Variants in PALB2 observed in about 807,000 individuals in gnomAD.
PALB2 encodes the protein mutant partner and localizer of BRCA2.
PALB2 carries 82 observed loss-of-function variants against 107.4 expected under a neutral mutation model. That is an observed-to-expected ratio of 0.76 (90% CI 0.64 to 0.92). The LOEUF is 0.92. Among genes scored for constraint, PALB2 ranks in the 40% least tolerant of loss-of-function variants. The probability of loss-of-function intolerance (pLI) is 0.00; values close to 1 mark genes in which losing one functional copy is unlikely to be tolerated. For missense variants in PALB2, 1,374 were observed against 1,379.9 expected (o/e 1.00, Z 0.07); for synonymous variants, 489 against 496.8 (o/e 0.98, Z 0.21).
rs371875379 is a variant in PALB2 at position 23,637,948 on chromosome 16, G to C, written c.113C>G (p.Ala38Gly). Residue 38 changes from alanine to glycine, a missense_variant, in exon 3 of 13, where the codon GCC becomes GGC. Coordinates refer to ENST00000261584, the MANE Select transcript of PALB2 (RefSeq NM_024675.4). ...YSKTLARLQR[A>G]QRAEKIKHSI... ...ATGCTTAATCTTTTCAGCTCTTTGGGCACGCTAGAGGAGACAAAAACAGCC... is the reference window on the plus strand; with the variant it reads ...ATGCTTAATCTTTTCAGCTCTTTGGCCACGCTAGAGGAGACAAAAACAGCC... 5.0e-6 allele frequency: 8 copies of C among 1,613,236 alleles called. No individual in the cohort carries two copies. In the East Asian group the frequency reaches 1.8e-4, roughly 36 times the overall value.
At chr16:23,625,238 CAGG>C (rs1249303158) in intron 7 of PALB2, among the ~76,000 whole-genome samples, 1 of 152,068 alleles carries the variant, frequency 6.6e-6, no homozygotes, top group Non-Finnish European at 1.5e-5. Flanking sequence ...GAGGCTGAGG[CAGG>C]AGAATTGCTT....
intron 10 of PALB2, among the ~76,000 whole-genome samples, chr16:23,618,958 G>A (rs1043059313): frequency 2.0e-5 from 3 of 152,262 alleles, no homozygotes; most frequent in Admixed American, 2.0e-4. Context: ...AATTTCAGAG[G>A]CTTTCTGGTG....
At chr16:23,605,169 T>G (rs1597063855) in intron 12 of PALB2, among the ~76,000 whole-genome samples, 1 of 152,204 alleles carries the variant, frequency 6.6e-6, no homozygotes, top group Non-Finnish European at 1.5e-5. Context: ...ATGAACTGCA[T>G]GATACTTTTT....
intron 4 of PALB2, among the ~76,000 whole-genome samples, chr16:23,631,913 C>T (rs1242411243): frequency 6.6e-6 from 1 of 152,158 alleles, no homozygotes; most frequent in Non-Finnish European, 1.5e-5. Context: ...GTGGCGAGAT[C>T]TTGGCTCACT....
rs976340416 is a variant in PALB2 at position 23,635,367 on chromosome 16, T to C, written c.1179A>G (p.Lys393=). 6 of 1,613,840 alleles carry C rather than the reference T, an allele frequency of 3.7e-6. No homozygotes were observed. The highest frequency in any genetic ancestry group is 5.1e-6 in the Non-Finnish European group (6 of 1,180,026). ...LEATSPLSAE[K]HSCTVPEGLL... is the part of the protein sequence containing the mutation. Reference sequence around the variant, plus strand: ...GGCCTTCAGGCACTGTGCAAGAATGTTTTTCTGCAGAAAGAGGAGAGGTTG... The same window carrying C: ...GGCCTTCAGGCACTGTGCAAGAATGCTTTTCTGCAGAAAGAGGAGAGGTTG... The change falls in exon 4 of 13, where the codon AAA becomes AAG. Residue 393 remains lysine (K), a synonymous_variant. Transcript: ENST00000261584.
At position 23,638,574 on chromosome 16, in the gene PALB2, G is replaced by A. The variant is rs138223673; in HGVS notation, c.49-445C>T. The A allele has an allele frequency of 1.6e-4, 71 of 456,610 alleles. No homozygotes were observed. The Middle Eastern group carries it at 3.6e-3, about 23-fold the overall frequency. The allele number at this position is 456,610 out of a possible 1,614,324, so 28.3% of individuals were successfully genotyped here. ...TGAATCTTCTATTTATCCGTTAATG[G>A]TCCAGGTATCTCTAGTACCTGGAAT... On this transcript the variant is annotated intron_variant, in intron 1 of 12. Transcript: ENST00000261584.
intron 10 of PALB2, among the ~76,000 whole-genome samples, chr16:23,620,794 C>T (rs1233639271): frequency 3.9e-5 from 6 of 152,166 alleles, no homozygotes; most frequent in Non-Finnish European, 7.3e-5. Context: ...ACAATCAGGC[C>T]GGGCGCAGTG....
chr16:23,613,371 CTG>C (rs953505572), intron 11 of PALB2, among the ~76,000 whole-genome samples: 1 of 152,138 alleles, frequency 6.6e-6, no homozygotes, highest in Admixed American at 6.6e-5. Context: ...TAGCTGGGCA[CTG>C]TGGCTCACAT....
intron 3 of PALB2, 25 bp downstream of exon 3, chr16:23,637,825 G>A (rs1967097575): frequency 2.0e-6 from 3 of 1,536,476 alleles, no homozygotes; most frequent in African/African-American, 1.4e-5. Flanking sequence ...AATAAAGCAG[G>A]CATAAGTGAA....
intron 1 of PALB2, among the ~76,000 whole-genome samples, chr16:23,639,517 GAAAA>G (rs1186283940): frequency 9.1e-5 from 4 of 43,756 alleles, no homozygotes; most frequent in African/African-American, 1.8e-4. Flanking sequence ...GACTCTGCTT[GAAAA>G]AAAAAAAAAA....
chr16:23,639,546 G>A (rs1022578918), intron 1 of PALB2, among the ~76,000 whole-genome samples: 7 of 147,280 alleles, frequency 4.8e-5, no homozygotes, highest in African/African-American at 1.8e-4. Context: ...AAGGCCGGGT[G>A]CAGTGGCTCA....
intron 10 of PALB2, among the ~76,000 whole-genome samples, chr16:23,619,377 T>C (rs978135554): frequency 6.6e-6 from 1 of 152,128 alleles, no homozygotes; most frequent in African/African-American, 2.4e-5. Context: ...AGACAGAGTC[T>C]CACTCTGTCA....
At chr16:23,637,107 G>T (rs750959734) in intron 3 of PALB2, among the ~76,000 whole-genome samples, 1 of 152,126 alleles carries the variant, frequency 6.6e-6, no homozygotes, top group Middle Eastern at 3.4e-3. Flanking sequence ...AATTAGCTGG[G>T]CGTGGCGGTG....
At position 23,626,311 on chromosome 16, in the gene PALB2, G is replaced by A. The variant is rs78179744; in HGVS notation, c.2673C>T (p.Cys891=). 1.4e-5 allele frequency: 22 copies of A among 1,613,978 alleles called. No individual in the cohort carries two copies. In the East Asian group the frequency reaches 3.1e-4, roughly 23 times the overall value. ...CTTTCCAAAGAGAAACTACATCTTC[G>A]CAAGCAGTTATGATACATGGCTCTT... ...GCKEPCIITA[C]EDVVSLWKAL... Residue 891 remains cysteine, a synonymous_variant, in exon 7 of 13, where the codon TGC becomes TGT. Transcript: ENST00000261584.
At chr16:23,612,899 T>C (rs1450138789) in intron 11 of PALB2, among the ~76,000 whole-genome samples, 1 of 152,070 alleles carries the variant, frequency 6.6e-6, no homozygotes, top group Non-Finnish European at 1.5e-5. Flanking sequence ...ATTACAGGCA[T>C]GCGCCACCAC....
At chr16:23,627,259 G>A (rs1303508831) in intron 6 of PALB2, among the ~76,000 whole-genome samples, 3 of 151,494 alleles carry the variant, frequency 2.0e-5, no homozygotes, top group Non-Finnish European at 2.9e-5. Flanking sequence ...AGGCCGAGGC[G>A]GGTGGATCAT....
Position 23,635,204 on chromosome 16 carries a change from T to A in PALB2, c.1342A>T (p.Ser448Cys), listed in dbSNP as rs1966975915. The change falls in exon 4 of 13, where the codon AGT becomes TGT. Residue 448 changes from serine to cysteine, a missense_variant. By Grantham distance (112) the Ser-to-Cys change is moderately radical. Transcript: ENST00000261584. ...TCATTGGAAAGGTTTAAATTTTTACTTGCATCCTTATTTTTATTTTTAAAC... is the reference window on the plus strand; with the variant it reads ...TCATTGGAAAGGTTTAAATTTTTACATGCATCCTTATTTTTATTTTTAAAC... The part of the protein sequence containing the change: ...KGFKNKNKDA[S>C]KNLNLSNEET... The A allele has an allele frequency of 6.2e-7, 1 of 1,614,172 alleles. No homozygotes were observed. Among genetic ancestry groups the A allele is most frequent in the South Asian group, 1.1e-5 (1 of 91,076 alleles).
Position 23,623,047 on chromosome 16 carries a change from G to T in PALB2, c.2918C>A (p.Thr973Lys), listed in dbSNP as rs1465745143. 1 of 1,614,012 alleles carries T rather than the reference G, an allele frequency of 6.2e-7. No homozygotes were observed. Among genetic ancestry groups the T allele is most frequent in the Non-Finnish European group, 8.5e-7 (1 of 1,179,970 alleles). ...SGNIKAVLGL[T>K]KRRLVSSSGT... ...ACTGCTACTAACTAGCCTCCTCTTT[G>T]TCAGGCCAAGCACAGCTTTTATATT... Residue 973 changes from threonine (T) to lysine (K), a missense_variant, in exon 9 of 13, where the codon ACA (threonine) becomes AAA (lysine). Coordinates refer to ENST00000261584, the MANE Select transcript of PALB2 (RefSeq NM_024675.4).
chr16:23,636,148 C>T lies in PALB2; in HGVS notation c.398G>A (p.Ser133Asn), dbSNP rs864622411. ...CTGCTTTTGCTCACCACTAGGGTCA[C>T]TGACCCTGTGGGGAAAATGTTCTTG... ...DTQEHFPHRV[S>N]DPSGEQKQKL... The change falls in exon 4 of 13, where the codon AGT (serine) becomes AAT (asparagine). Residue 133 changes from serine to asparagine, a missense_variant. Physicochemically the swap from Ser to Asn is conservative, Grantham distance 46 (BLOSUM62 1). Transcript: ENST00000261584. 5 of 1,612,766 alleles carry T rather than the reference C, an allele frequency of 3.1e-6. No homozygotes were observed. The highest frequency in any genetic ancestry group is 4.2e-6 in the Non-Finnish European group (5 of 1,179,478).
Sources: gnomAD v4.1 joint callset for allele counts (sites outside exome capture counted in the v4.1 genomes callset) on GRCh38, gnomAD v4.1.1 for gene constraint, MANE v1.5 for transcripts, NCBI Gene and HGNC (gene_info 2026-07-23, HGNC 2026-07-21) for gene names.